Variants in EMC1 observed in about 807,000 individuals in gnomAD.
EMC1 encodes the protein KIAA0090.
EMC1 carries 103 observed loss-of-function variants against 128.8 expected under a neutral mutation model. The observed-to-expected ratio is 0.80, with a 90% CI of 0.68 to 0.94. The LOEUF is 0.94. EMC1 is among the 40% of genes least tolerant of loss of function. The probability of loss-of-function intolerance (pLI) is 0.00; values close to 1 mark genes in which losing one functional copy is unlikely to be tolerated. For synonymous variants in EMC1, 442 were observed against 490.4 expected (o/e 0.90, Z 1.30); for missense variants, 1,083 against 1,250.6 (o/e 0.87, Z 2.02).
chr1:19,225,829 A>G (rs1002956566), intron 18 of EMC1, among the ~76,000 whole-genome samples: 3 of 151,990 alleles, frequency 2.0e-5, no homozygotes, highest in African/African-American at 4.8e-5. Flanking sequence ...AAAAAAAAAA[A>G]AAAAGAGTCA....
intron 3 of EMC1, 47 bp from the exon 4 acceptor site, chr1:19,243,754 C>T (rs757586317): frequency 3.4e-5 from 54 of 1,593,268 alleles, no homozygotes; most frequent in Non-Finnish European, 3.7e-5. Context: ...CTTGCTCTGT[C>T]GCTTCCTAGG....
chr1:19,244,949 C>A lies in EMC1; in HGVS notation c.177G>T (p.Glu59Asp), dbSNP rs1239034113. ...PGSKKLVVAT[E>D]KNVIAALNSR... ...AATTTAATGCTGCAATCACATTCTT[C>A]TCTGTGGCTACAACCAACTTCTTGG... Residue 59 changes from glutamate (E) to aspartate (D), a missense_variant, in exon 2 of 23, where the codon GAG (glutamate) becomes GAT (aspartate). Transcript: ENST00000477853. 6.2e-7 allele frequency: 1 copy of A among 1,614,000 alleles called. No individual in the cohort carries two copies. Among genetic ancestry groups the A allele is most frequent in the South Asian group, 1.1e-5 (1 of 91,066 alleles).
intron 6 of EMC1, 32 bp downstream of exon 6, chr1:19,240,984 C>G: frequency 6.2e-7 from 1 of 1,610,856 alleles, no homozygotes; most frequent in Non-Finnish European, 8.5e-7. Flanking sequence ...CCAACCCCAC[C>G]TTATTCACAG....
intron 13 of EMC1, 57 bp from the exon 14 acceptor site, chr1:19,233,192 A>C: frequency 1.4e-6 from 2 of 1,469,880 alleles, no homozygotes; most frequent in Non-Finnish European, 1.9e-6. Context: ...ATAAGGAGGT[A>C]CATGATTTTC....
At position 19,222,631 on chromosome 1, in the gene EMC1, G is replaced by C. The variant is rs1486922811; in HGVS notation, c.2580C>G (p.His860Gln). 1.9e-6 allele frequency: 3 copies of C among 1,613,500 alleles called. No homozygotes were observed. Among genetic ancestry groups the C allele is most frequent in the Non-Finnish European group, 2.5e-6 (3 of 1,179,940 alleles). ...TITERGITSR[H>Q]LLIGLPSGAI... ...GGCTCCCCAGTCACTCACTCAGCAG[G>C]TGTCGGCTGGTGATGCCCCGTTCGG... The change falls in exon 20 of 23, where the codon CAC becomes CAG. Residue 860 changes from histidine to glutamine, a missense_variant. By Grantham distance (24) the His-to-Gln change is conservative (BLOSUM62 0). This residue lies in a region of EMC1 where 527 missense variants were observed against 644.1 expected (regional missense o/e 0.82). Transcript: ENST00000477853.
chr1:19,251,214 C>A (rs1308246441), intron 1 of EMC1, among the ~76,000 whole-genome samples: 2 of 152,164 alleles, frequency 1.3e-5, no homozygotes, highest in Non-Finnish European at 2.9e-5. Flanking sequence ...TTAGAATGAC[C>A]CCTAACACTT....
rs575254583 is a variant in EMC1 at position 19,231,253 on chromosome 1, G to C, written c.1944+8C>G. ...TAGCATGTTCTCCATCCCCTCTGAA[G>C]ACAGTACCTTGTATTCATCATCTAT... On this transcript the variant is annotated splice_region_variant and intron_variant, in intron 16 of 22. Transcript: ENST00000477853. 1.3e-6 allele frequency: 2 copies of C among 1,588,748 alleles called. No homozygotes were observed. Among genetic ancestry groups the C allele is most frequent in the Admixed American group, 3.9e-5 (2 of 51,002 alleles).
At chr1:19,247,561 T>C (rs2093637229) in intron 1 of EMC1, among the ~76,000 whole-genome samples, 1 of 152,248 alleles carries the variant, frequency 6.6e-6, no homozygotes, top group Non-Finnish European at 1.5e-5. Context: ...CCCACTGTAC[T>C]GCCAGCTGTA....
At chr1:19,238,443 C>T (rs112523437) in intron 10 of EMC1, among the ~76,000 whole-genome samples, 5 of 152,170 alleles carry the variant, frequency 3.3e-5, no homozygotes, top group African/African-American at 7.2e-5. Flanking sequence ...GGCAGGGAAA[C>T]GCTTAGATGG....
intron 18 of EMC1, among the ~76,000 whole-genome samples, chr1:19,225,763 G>A (rs2093467935): frequency 1.3e-5 from 2 of 151,238 alleles, no homozygotes; most frequent in East Asian, 1.9e-4. Context: ...AAGCTGCAGT[G>A]AGCTGTGATC....
In EMC1 at chr1:19,218,118, T is replaced by C. The variant is rs915950528; in HGVS notation, c.*1185A>G. 1 of 152,236 alleles carries C rather than the reference T, an allele frequency of 6.6e-6. No homozygotes were observed. Among genetic ancestry groups the C allele is most frequent in the South Asian group, 2.1e-4 (1 of 4,836 alleles). The allele number at this position is 152,236 out of a possible 1,614,324, so 9.4% of individuals were successfully genotyped here. A position where few individuals can be genotyped will look rare whatever the true frequency, so the allele number is the denominator to read the frequency against. On this transcript the variant is annotated 3_prime_UTR_variant, in exon 23 of 23. Transcript: ENST00000477853. ...TTTGTCACTTGCTTTATGCAAACAT[T>C]CGAGTGTACCTCTTTCACCACAGGG...
At chr1:19,249,988 C>A (rs1395788832) in intron 1 of EMC1, among the ~76,000 whole-genome samples, 1 of 151,978 alleles carries the variant, frequency 6.6e-6, no homozygotes, top group Admixed American at 6.6e-5. Flanking sequence ...GAGGCCTAGG[C>A]GGGTGGATTA....
chr1:19,246,497 T>C (rs1278042877), intron 1 of EMC1, among the ~76,000 whole-genome samples: 1 of 151,768 alleles, frequency 6.6e-6, no homozygotes, highest in Non-Finnish European at 1.5e-5. Context: ...AATTTAAAAA[T>C]CTCCACCAGG....
At chr1:19,242,263 A>C in intron 5 of EMC1, 82 bp downstream of exon 5, 1 of 1,508,340 alleles carries the variant, frequency 6.6e-7, no homozygotes, top group Non-Finnish European at 9.1e-7. Context: ...GTTAAAGCAA[A>C]TGCTTCGGGT....
intron 2 of EMC1, among the ~76,000 whole-genome samples, 177 bp from the exon 3 acceptor site, chr1:19,244,192 G>A (rs1011457749): frequency 1.1e-4 from 16 of 152,104 alleles, no homozygotes; most frequent in African/African-American, 3.9e-4. Flanking sequence ...GAGGGTAGAA[G>A]GGGTTAAGAG....
Position 19,242,365 on chromosome 1 carries a change from C to A in EMC1, c.489G>T (p.Trp163Cys), listed in dbSNP as rs765713481. ...LHHLSSGHLK[W>C]VEHLPESDSI... ...CTTACCTTTCTGGGAGATGTTCCAC[C>A]CACTTGAGGTGCCCACTGGAGAGGT... The change falls in exon 5 of 23, where the codon TGG becomes TGT. Residue 163 changes from tryptophan to cysteine, a missense_variant. Around this residue, in one of 3 missense-constraint regions of EMC1, gnomAD observed 544 missense variants for 572.4 expected, o/e 0.95. Transcript: ENST00000477853. The A allele has an allele frequency of 3.2e-5, 51 of 1,614,036 alleles. No individual in the cohort carries two copies. Among genetic ancestry groups the A allele is most frequent in the Non-Finnish European group, 3.8e-5 (45 of 1,180,022 alleles).
At position 19,238,832 on chromosome 1, in the gene EMC1, C is replaced by A; in HGVS notation, c.1052G>T (p.Gly351Val). 1 of 1,611,740 alleles carries A rather than the reference C, an allele frequency of 6.2e-7. No homozygotes were observed. The highest frequency in any genetic ancestry group is 8.5e-7 in the Non-Finnish European group (1 of 1,177,952). ...EVQKSSSSED[G>V]SMGSFSEKSS... is the part of the protein sequence containing the mutation. ...CTTCTCCGAAAAGCTCCCCATTGAC[C>A]CATCTTCAGAACTGCTACTTTTCTG... Residue 351 changes from glycine to valine, a missense_variant, in exon 10 of 23, where the codon GGG (glycine) becomes GTG (valine). Gly to Val is a moderately radical substitution (Grantham distance 109, BLOSUM62 -3). Transcript: ENST00000477853.
In EMC1 at chr1:19,245,291, A is replaced by T. The variant is rs373014915; in HGVS notation, c.96-261T>A. Reference sequence around the variant, plus strand: ...CGTCTGTCTCTATGAAAAATACAAAATTAGCTGGGCATGGTGGCGCATGCC... The same window carrying T: ...CGTCTGTCTCTATGAAAAATACAAATTTAGCTGGGCATGGTGGCGCATGCC... On this transcript the variant is annotated intron_variant, in intron 1 of 22. Transcript: ENST00000477853. 3.9e-5 allele frequency among the ~76,000 whole-genome samples: 6 copies of T among 152,194 alleles called. No individual in the cohort carries two copies. The East Asian group carries it at 5.8e-4, about 15-fold the overall frequency.
Position 19,223,560 on chromosome 1 carries a change from G to A in EMC1, c.2212C>T (p.Pro738Ser). The A allele has an allele frequency of 6.2e-7, 1 of 1,613,906 alleles. No homozygotes were observed. Among genetic ancestry groups the A allele is most frequent in the Non-Finnish European group, 8.5e-7 (1 of 1,180,028 alleles). Residue 738 changes from proline to serine, a missense_variant, in exon 19 of 23, where the codon CCC becomes TCC. Coordinates refer to ENST00000477853, the MANE Select transcript of EMC1 (RefSeq NM_015047.3). Reference protein sequence around the residue: ...DRSVLYKSLNPNLLAVVTEST... With the variant: ...DRSVLYKSLNSNLLAVVTEST... ...TCTGTCACCACGGCCAGCAGGTTGG[G>A]GTTCAGGCTCTGGAGAGAGAGAGAA...
Sources: gnomAD v4.1 joint callset for allele counts (sites outside exome capture counted in the v4.1 genomes callset) on GRCh38, gnomAD v4.1.1 for gene constraint, gnomAD v4.1.1 regional missense constraint, MANE v1.5 for transcripts, NCBI Gene and HGNC (gene_info 2026-07-23, HGNC 2026-07-21) for gene names.